CHIC2: variants seen among roughly 807,000 people sequenced by gnomAD.
CHIC2 encodes the protein cysteine-rich hydrophobic domain-containing protein 2.
In CHIC2, 14 loss-of-function variants were observed where a neutral mutation model predicts 25.9. The observed-to-expected ratio is 0.54, with a 90% CI of 0.36 to 0.85. The LOEUF is 0.85. Ranked by LOEUF, CHIC2 falls within the 40% of genes least tolerant of loss-of-function variation. CHIC2 has a pLI of 0.01. For missense variants in CHIC2, 146 were observed against 202.0 expected, an observed-to-expected ratio of 0.72 and a Z score of 1.68; for synonymous variants, 70 against 72.0, an observed-to-expected ratio of 0.97 and a Z score of 0.14.
the CHIC2 span, among the ~76,000 whole-genome samples, chr4:54,091,738 TA>T: frequency 2.6e-5 from 4 of 152,228 alleles, no homozygotes; most frequent in South Asian, 6.2e-4. Flanking sequence ...ACCCTCATTC[TA>T]ATTCACTTTT....
chr4:54,033,900 T>C (rs1424448665), intron 3 of CHIC2, among the ~76,000 whole-genome samples: 4 of 152,158 alleles, frequency 2.6e-5, no homozygotes, highest in Non-Finnish European at 4.4e-5. Context: ...ACTTTGAGTA[T>C]TGTAGCTTTA....
chr4:54,055,997 T>C (rs930378835), intron 1 of CHIC2, among the ~76,000 whole-genome samples: 1 of 152,166 alleles, frequency 6.6e-6, no homozygotes, highest in African/African-American at 2.4e-5. Context: ...TTCATCTGGT[T>C]TTATGAAAGT....
At chr4:54,027,917 T>C (rs776125899) in intron 3 of CHIC2, among the ~76,000 whole-genome samples, 19 of 152,180 alleles carry the variant, frequency 1.2e-4, no homozygotes, top group Non-Finnish European at 4.4e-5. Context: ...TTTGTTTTTA[T>C]AAAAGCAAAA....
chr4:54,086,549 C>T, the CHIC2 span, among the ~76,000 whole-genome samples: 1 of 151,936 alleles, frequency 6.6e-6, no homozygotes, highest in Non-Finnish European at 1.5e-5. Flanking sequence ...AGACGATAAA[C>T]ATAAACAGAA....
intron 3 of CHIC2, among the ~76,000 whole-genome samples, chr4:54,043,718 A>G (rs181251098): frequency 2.0e-5 from 3 of 152,340 alleles, no homozygotes; most frequent in African/African-American, 7.2e-5. Context: ...TGTAAAGACC[A>G]TCAAAGCTAG....
the CHIC2 span, among the ~76,000 whole-genome samples, chr4:54,076,471 G>A: frequency 6.6e-6 from 1 of 152,042 alleles, no homozygotes; most frequent in African/African-American, 2.4e-5. Flanking sequence ...AAGCTAACTG[G>A]TTTTACTCAG....
chr4:54,040,333 G>A (rs910401636), intron 3 of CHIC2, among the ~76,000 whole-genome samples: 2 of 152,262 alleles, frequency 1.3e-5, no homozygotes, highest in East Asian at 1.9e-4. Flanking sequence ...TTGGGAGGCC[G>A]AGGCAGGCAG....
chr4:54,032,330 G>C (rs540258848), intron 3 of CHIC2, among the ~76,000 whole-genome samples: 2 of 133,536 alleles, frequency 1.5e-5, no homozygotes, highest in South Asian at 5.1e-4. Flanking sequence ...AAGCTGGACT[G>C]TACTGCTGCC....
At chr4:54,049,422 G>T in intron 1 of CHIC2, 117 bp from the exon 2 acceptor site, 2 of 539,974 alleles carry the variant, frequency 3.7e-6, no homozygotes, top group Non-Finnish European at 6.4e-6. Context: ...GGAAGTTTTA[G>T]ACATAAAATG....
chr4:54,020,832 C>G (rs1284921460), intron 3 of CHIC2, among the ~76,000 whole-genome samples: 4 of 152,208 alleles, frequency 2.6e-5, no homozygotes, highest in Non-Finnish European at 5.9e-5. Flanking sequence ...GGTGTTTAAT[C>G]ATTGCAGAGA....
At chr4:54,053,979 C>G (rs578029171) in intron 1 of CHIC2, among the ~76,000 whole-genome samples, 1 of 151,978 alleles carries the variant, frequency 6.6e-6, no homozygotes, top group Non-Finnish European at 1.5e-5. Flanking sequence ...TTAGTAGAGA[C>G]GGGGTTTCAC....
At chr4:54,091,596 T>C in the CHIC2 span, among the ~76,000 whole-genome samples, 27 of 152,326 alleles carry the variant, frequency 1.8e-4, no homozygotes, top group Non-Finnish European at 4.4e-5. Flanking sequence ...TGTACACTGC[T>C]TGGGTGATGG....
At chr4:54,041,609 T>A (rs1269207283) in intron 3 of CHIC2, among the ~76,000 whole-genome samples, 3 of 152,332 alleles carry the variant, frequency 2.0e-5, no homozygotes, top group Non-Finnish European at 4.4e-5. Flanking sequence ...TTTGTATGCA[T>A]TAATAAACAT....
rs1416622907 is a variant in CHIC2, at chr4:54,049,244, C to T, written c.174+7G>A. ...GCATACAAATAGTACATAAATGAGA[C>T]ACTCACTTTTCCAGTTAATGAAGAA... On this transcript the variant is annotated splice_region_variant and intron_variant, in intron 2 of 5. Transcript: ENST00000263921. 8.8e-6 allele frequency: 14 copies of T among 1,599,638 alleles called. No homozygotes were observed. The highest frequency in any genetic ancestry group is 1.1e-5 in the Non-Finnish European group (13 of 1,171,134).
In CHIC2 at chr4:54,010,027, G is replaced by C; in HGVS notation, c.*68C>G. ...AGAACCAATGTTATGTCACCACCAG[G>C]AGAGCACCAAGCAAGGCACCATTGG... On this transcript the variant is annotated 3_prime_UTR_variant, in exon 6 of 6. Coordinates refer to ENST00000263921, the MANE Select transcript of CHIC2 (RefSeq NM_012110.4). The C allele has an allele frequency of 1.9e-6, 2 of 1,047,348 alleles. No homozygotes were observed. Among genetic ancestry groups the C allele is most frequent in the Admixed American group, 1.9e-5 (1 of 52,982 alleles). The allele number at this position is 1,047,348 out of a possible 1,614,324, so 64.9% of individuals were successfully genotyped here.
the CHIC2 span, among the ~76,000 whole-genome samples, chr4:54,078,359 C>G: frequency 2.0e-5 from 3 of 152,170 alleles, no homozygotes; most frequent in Non-Finnish European, 2.9e-5. Flanking sequence ...CATTAGAGAA[C>G]AGTTCCACAA....
Position 54,064,438 on chromosome 4 carries a change from T to C in CHIC2, c.-138A>G. 6.6e-7 allele frequency: 1 copy of C among 1,508,648 alleles called. No homozygotes were observed. Among genetic ancestry groups the C allele is most frequent in the Non-Finnish European group, 8.8e-7 (1 of 1,133,126 alleles). 93.5% of individuals were successfully genotyped at this position (1,508,648 alleles called of 1,614,324 possible). On this transcript the variant is annotated 5_prime_UTR_variant, in exon 1 of 6. Coordinates refer to ENST00000263921, the MANE Select transcript of CHIC2 (RefSeq NM_012110.4). This position sits in a 1 kb window ranked among gnomAD's most constrained non-coding sequence, Gnocchi z 4.2. ...AGGCCGCGGAGTTCGCTGTCGGCTG[T>C]CTCGGCTCCGGCTACAGAGGGGATG...
the CHIC2 span, among the ~76,000 whole-genome samples, chr4:54,082,787 G>A: frequency 6.6e-6 from 1 of 152,094 alleles, no homozygotes; most frequent in African/African-American, 2.4e-5. Context: ...CCTTAGAGGA[G>A]GGAAGTGAGA....
chr4:54,072,883 T>C, the CHIC2 span, among the ~76,000 whole-genome samples: 2 of 152,086 alleles, frequency 1.3e-5, no homozygotes, highest in African/African-American at 4.8e-5. Flanking sequence ...CCACCCTGGC[T>C]AACACAGTGA....
Sources: gnomAD v4.1 joint callset for allele counts (sites outside exome capture counted in the v4.1 genomes callset) on GRCh38, gnomAD v4.1.1 for gene constraint, Gnocchi (gnomAD v3.1) non-coding constraint, MANE v1.5 for transcripts, NCBI Gene and HGNC (gene_info 2026-07-23, HGNC 2026-07-21) for gene names.